SIDT1: variants seen among roughly 807,000 people sequenced by gnomAD.
SIDT1 encodes SID1 transmembrane family, member 1.
Under a neutral mutation model 107.5 loss-of-function variants are expected in SIDT1, and 101 were observed. The observed-to-expected ratio is 0.94, with a 90% CI of 0.80 to 1.11. The LOEUF is 1.11. Ranked by LOEUF, SIDT1 falls within the 50% of genes least tolerant of loss-of-function variation. SIDT1 has a pLI of 0.00. For synonymous variants in SIDT1, 395 were observed against 398.2 expected (o/e 0.99, Z 0.10); for missense variants, 1,076 against 1,058.2 (o/e 1.02, Z -0.23).
chr3:113,591,564 G>A (rs1944153875), intron 9 of SIDT1, among the ~76,000 whole-genome samples: 1 of 152,166 alleles, frequency 6.6e-6, no homozygotes, highest in African/African-American at 2.4e-5. Context: ...CAAGACTCTG[G>A]TACTGACATA....
At chr3:113,572,136 G>C (rs1181431913) in intron 3 of SIDT1, among the ~76,000 whole-genome samples, 2 of 152,174 alleles carry the variant, frequency 1.3e-5, no homozygotes, top group Non-Finnish European at 1.5e-5. Context: ...AGAAAAGAGA[G>C]AGTCAATAAT....
In SIDT1 at chr3:113,616,088, T is replaced by A. The variant is rs1425449336; in HGVS notation, c.1967-12T>A. On this transcript the variant is annotated splice_polypyrimidine_tract_variant and intron_variant, in intron 19 of 24. Coordinates refer to ENST00000264852, the MANE Select transcript of SIDT1 (RefSeq NM_017699.3). ...ACTAAGCCTTCTCACCATGCATTTG[T>A]ATTATCAGCAGATTTGGGAATTTTC... is the stretch of plus-strand genomic sequence containing the variant. 5.6e-6 allele frequency: 9 copies of A among 1,605,264 alleles called. No homozygotes were observed. Among genetic ancestry groups the A allele is most frequent in the Non-Finnish European group, 7.7e-6 (9 of 1,171,874 alleles).
intron 1 of SIDT1, among the ~76,000 whole-genome samples, chr3:113,558,802 G>T (rs1178055482): frequency 3.3e-5 from 5 of 152,210 alleles, no homozygotes; most frequent in Non-Finnish European, 7.3e-5. Context: ...TAAAGTCTCA[G>T]ATCCTTCCAA....
At chr3:113,584,674 CT>C (rs773065265) in intron 7 of SIDT1, 23 bp from the exon 8 acceptor site, 9 of 1,545,224 alleles carry the variant, frequency 5.8e-6, no homozygotes, top group Admixed American at 1.9e-5. Flanking sequence ...GTGCTTTGTT[CT>C]TTTTTTATTT....
At chr3:113,553,823 A>G (rs1940544042) in intron 1 of SIDT1, among the ~76,000 whole-genome samples, 1 of 152,176 alleles carries the variant, frequency 6.6e-6, no homozygotes, top group African/African-American at 2.4e-5. Context: ...AGGTGGGCGG[A>G]TCACCTGGGG....
intron 20 of SIDT1, among the ~76,000 whole-genome samples, chr3:113,617,415 G>A (rs1418586871): frequency 2.0e-5 from 3 of 152,208 alleles, no homozygotes; most frequent in African/African-American, 4.8e-5. Context: ...TTCCTCCTCT[G>A]AGCCCACTGC....
intron 16 of SIDT1, 68 bp downstream of exon 16, chr3:113,608,285 C>A: frequency 1.3e-6 from 2 of 1,550,358 alleles, no homozygotes; most frequent in Non-Finnish European, 1.7e-6. Context: ...AGGGGTGGGA[C>A]ATCTGGCTTA....
intron 3 of SIDT1, among the ~76,000 whole-genome samples, chr3:113,571,243 C>A (rs1560053218): frequency 6.6e-6 from 1 of 151,954 alleles, no homozygotes; most frequent in Non-Finnish European, 1.5e-5. Flanking sequence ...GCAACATAGT[C>A]TCTAAAAAAA....
At chr3:113,603,489 G>T (rs149097608) in intron 12 of SIDT1, among the ~76,000 whole-genome samples, 103 of 152,292 alleles carry the variant, frequency 6.8e-4, no homozygotes, top group African/African-American at 2.4e-3. Context: ...CCCCGGTTCT[G>T]TGCATATCAT....
At chr3:113,623,918 C>G (rs1946659954) in intron 23 of SIDT1, among the ~76,000 whole-genome samples, 185 bp downstream of exon 23, 1 of 152,218 alleles carries the variant, frequency 6.6e-6, no homozygotes, top group Non-Finnish European at 1.5e-5. Flanking sequence ...CTCAGGGTGG[C>G]ACTTTATAAA....
chr3:113,542,812 T>C (rs2107605170), intron 1 of SIDT1, among the ~76,000 whole-genome samples: 1 of 152,244 alleles, frequency 6.6e-6, no homozygotes, highest in East Asian at 1.9e-4. Context: ...CCCTATATTC[T>C]CCATCCTTCT....
rs754779852 is a variant in SIDT1 at position 113,616,114 on chromosome 3, C to T, written c.1981C>T (p.Arg661Trp). 2.9e-5 allele frequency: 47 copies of T among 1,613,566 alleles called. No homozygotes were observed. Among genetic ancestry groups the T allele is most frequent in the Admixed American group, 1.8e-4 (11 of 60,000 alleles). ...ATTATCAGCAGATTTGGGAATTTTC[C>T]GGCGGGCTGCCATGGTGTTCTACAC... is the stretch of plus-strand genomic sequence containing the variant. Reference protein sequence around the residue: ...GRFKIDLGIFRRAAMVFYTDC... With the variant: ...GRFKIDLGIFWRAAMVFYTDC... The change falls in exon 20 of 25, where the codon CGG becomes TGG. Residue 661 changes from arginine (R) to tryptophan (W), a missense_variant. Physicochemically the swap from Arg to Trp is moderately radical, Grantham distance 101 (BLOSUM62 -3). Coordinates refer to ENST00000264852, the MANE Select transcript of SIDT1 (RefSeq NM_017699.3).
At chr3:113,570,948 A>T (rs1942387469) in intron 3 of SIDT1, among the ~76,000 whole-genome samples, 1 of 152,216 alleles carries the variant, frequency 6.6e-6, no homozygotes, top group Non-Finnish European at 1.5e-5. Context: ...AAGTTAAGTG[A>T]CTTGTTCAAA....
At chr3:113,545,237 C>T (rs1225076478) in intron 1 of SIDT1, among the ~76,000 whole-genome samples, 1 of 151,326 alleles carries the variant, frequency 6.6e-6, no homozygotes. Context: ...ATTATTCTTG[C>T]CTGAATTAGT....
intron 3 of SIDT1, among the ~76,000 whole-genome samples, chr3:113,571,193 A>G (rs563140688): frequency 1.3e-5 from 2 of 152,202 alleles, no homozygotes; most frequent in Non-Finnish European, 2.9e-5. Context: ...AGGCTGAGGC[A>G]GGAGGATGAC....
intron 20 of SIDT1, among the ~76,000 whole-genome samples, chr3:113,618,114 AC>A (rs1439089046): frequency 6.6e-6 from 1 of 152,078 alleles, no homozygotes; most frequent in African/African-American, 2.4e-5. Flanking sequence ...CCTCACAACC[AC>A]TAATCTTTTT....
At position 113,603,946 on chromosome 3, in the gene SIDT1, A is replaced by G. The variant is rs2107676200; in HGVS notation, c.1264-14A>G. The G allele has an allele frequency of 6.2e-7, 1 of 1,605,224 alleles. No individual in the cohort carries two copies. Among genetic ancestry groups the G allele is most frequent in the Non-Finnish European group, 8.5e-7 (1 of 1,173,324 alleles). On this transcript the variant is annotated splice_polypyrimidine_tract_variant and intron_variant, in intron 12 of 24. Coordinates refer to ENST00000264852, the MANE Select transcript of SIDT1 (RefSeq NM_017699.3). ...GAGTACAGTTTTGCATTCTCTTTTT[A>G]TTTGGCATTCCAGATGTTCCTTTAC...
At chr3:113,615,405 A>AT (rs1946033456) in intron 19 of SIDT1, among the ~76,000 whole-genome samples, 1 of 152,164 alleles carries the variant, frequency 6.6e-6, no homozygotes, top group African/African-American at 2.4e-5. Flanking sequence ...CTGGCATTCG[A>AT]TATCTGTGGT....
At chr3:113,631,640 A>G (rs1430936802), downstream of SIDT1, among the ~76,000 whole-genome samples, 1 of 152,178 alleles carries the variant, frequency 6.6e-6, no homozygotes, top group East Asian at 1.9e-4. Context: ...ACCCCCATGA[A>G]TTCGAGGAAT....
Sources: gnomAD v4.1 joint callset for allele counts (sites outside exome capture counted in the v4.1 genomes callset) on GRCh38, gnomAD v4.1.1 for gene constraint, MANE v1.5 for transcripts, NCBI Gene and HGNC (gene_info 2026-07-23, HGNC 2026-07-21) for gene names.